The following ARAP2 variants were observed in gnomAD, a reference collection of about 807,000 sequenced individuals.
ARAP2 encodes arf-GAP with Rho-GAP domain, ANK repeat and PH domain-containing protein 2.
Under a neutral mutation model 194.5 loss-of-function variants are expected in ARAP2, and 148 were observed. That is an observed-to-expected ratio of 0.76 (90% CI 0.67 to 0.87). The LOEUF is 0.87. Among genes scored for constraint, ARAP2 ranks in the 40% least tolerant of loss-of-function variants. The pLI is 0.00. For missense variants in ARAP2, 2,128 were observed against 1,989.7 expected, an observed-to-expected ratio of 1.07 and a Z score of -1.32; for synonymous variants, 695 against 683.5, an observed-to-expected ratio of 1.02 and a Z score of -0.26.
intron 19 of ARAP2, 123 bp downstream of exon 19, chr4:36,147,173 T>A: frequency 1.3e-6 from 1 of 767,794 alleles, no homozygotes; most frequent in Non-Finnish European, 2.2e-6. Context: ...TGTATATTTA[T>A]ATGATTCAGA....
intron 6 of ARAP2, among the ~76,000 whole-genome samples, chr4:36,194,915 G>A (rs1263472599): frequency 1.3e-5 from 2 of 152,168 alleles, no homozygotes; most frequent in African/African-American, 4.8e-5. Flanking sequence ...CAGGCGTGGT[G>A]GCTCATGCTT....
chr4:36,139,771 T>G (rs1364672851), intron 19 of ARAP2, among the ~76,000 whole-genome samples: 1 of 151,680 alleles, frequency 6.6e-6, no homozygotes, highest in Non-Finnish European at 1.5e-5. Context: ...TTCCTAATTT[T>G]TCCTGTGATT....
chr4:36,017,330 C>T (rs886975628), intron 6 of ARAP2, among the ~76,000 whole-genome samples: 2 of 151,450 alleles, frequency 1.3e-5, no homozygotes, highest in African/African-American at 4.8e-5. Context: ...GGAGACAGCA[C>T]TGAACAAAAA....
chr4:36,233,403 G>T (rs1751881551), intron 1 of ARAP2, among the ~76,000 whole-genome samples: 1 of 152,134 alleles, frequency 6.6e-6, no homozygotes, highest in Non-Finnish European at 1.5e-5. Flanking sequence ...GTCTACACTT[G>T]TTACACCCTC....
chr4:36,010,336 G>A (rs2109307216), intron 9 of ARAP2, among the ~76,000 whole-genome samples: 1 of 151,984 alleles, frequency 6.6e-6, no homozygotes, highest in Non-Finnish European at 1.5e-5. Flanking sequence ...AGAAAGGCTA[G>A]AAAGAAATGA....
intron 29 of ARAP2, among the ~76,000 whole-genome samples, chr4:36,082,829 T>C (rs1206115797): frequency 1.3e-5 from 2 of 152,120 alleles, no homozygotes; most frequent in Non-Finnish European, 2.9e-5. Flanking sequence ...CTGGGGTACA[T>C]GAAGTGTTAA....
At chr4:36,170,900 G>A (rs912684681) in intron 9 of ARAP2, among the ~76,000 whole-genome samples, 7 of 151,724 alleles carry the variant, frequency 4.6e-5, no homozygotes, top group Non-Finnish European at 8.8e-5. Flanking sequence ...GGAAGCTTTT[G>A]GTCTAAAAAT....
chr4:36,175,134 C>T (rs975094453), intron 9 of ARAP2, among the ~76,000 whole-genome samples: 1 of 152,122 alleles, frequency 6.6e-6, no homozygotes, highest in Admixed American at 6.5e-5. Flanking sequence ...AAATCCAACA[C>T]AAATTAAGAT....
At chr4:36,045,699 A>G (rs1721712774) in intron 5 of ARAP2, among the ~76,000 whole-genome samples, 1 of 152,222 alleles carries the variant, frequency 6.6e-6, no homozygotes, top group African/African-American at 2.4e-5. Flanking sequence ...TCGATTTTAA[A>G]TGTTCTCACC....
In ARAP2 at chr4:36,210,582, G is replaced by A. The variant is rs1746540547; in HGVS notation, c.1295C>T (p.Ala432Val). The change falls in exon 6 of 33, where the codon GCA becomes GTA. Residue 432 changes from alanine (A) to valine (V), a missense_variant. By Grantham distance (64) the Ala-to-Val change is moderately conservative (BLOSUM62 0). Coordinates refer to ENST00000303965, the MANE Select transcript of ARAP2 (RefSeq NM_015230.4). ...FQSLRRKNSK[A>V]SKSRTQKALI... ...GGCTTTTTGAGTCCTAGATTTAGAT[G>A]CCTTTGAATTTTTTCTTCTTAAACT... is the stretch of plus-strand genomic sequence containing the variant. 6.2e-7 allele frequency: 1 copy of A among 1,613,738 alleles called. No individual in the cohort carries two copies. The highest frequency in any genetic ancestry group is 8.5e-7 in the Non-Finnish European group (1 of 1,179,878).
intron 5 of ARAP2, among the ~76,000 whole-genome samples, chr4:36,027,673 G>A (rs1718163286): frequency 6.6e-6 from 1 of 151,948 alleles, no homozygotes. Context: ...CTGGTATTGT[G>A]ACATACCATC....
chr4:36,158,847 TATC>T lies in ARAP2; in HGVS notation c.2632_2634del (p.Asp878del). 6.3e-7 allele frequency: 1 copy of T among 1,591,952 alleles called. No individual in the cohort carries two copies. The highest frequency in any genetic ancestry group is 8.5e-7 in the Non-Finnish European group (1 of 1,174,146). On this transcript the variant is annotated inframe_deletion, in exon 15 of 33. Transcript: ENST00000303965. ...TGACTTAATACACCCTCGGAATGAA[TATC>T]ATGTTGAGGGAAATCTAGAAAAATT...
chr4:36,228,763 G>C lies in ARAP2; in HGVS notation c.724C>G (p.Pro242Ala). The C allele has an allele frequency of 6.2e-7, 1 of 1,614,130 alleles. No individual in the cohort carries two copies. ...CCTTGAAACTTAAAGAATGGGGATG[G>C]TGGTGATCCTTCTAATAAACCATTT... ...GTNGLLEGSP[P>A]SPFFKFQGEM... The change falls in exon 2 of 33, where the codon CCA (proline) becomes GCA (alanine). Residue 242 changes from proline (P) to alanine (A), a missense_variant. By Grantham distance (27) the Pro-to-Ala change is conservative. Transcript: ENST00000303965.
rs191221474 is a variant in ARAP2 at position 36,122,529 on chromosome 4, C to T, written c.3747-1203G>A. ...TAACACAGGAACAGAAAACCAAATA[C>T]TGTATATTCTCACTTATAAGTGGGA... On this transcript the variant is annotated intron_variant, in intron 22 of 32. Transcript: ENST00000303965. Among the ~76,000 whole-genome samples, 607 of 151,952 alleles carry T rather than the reference C, an allele frequency of 4.0e-3. 7 individuals carry two copies. Among genetic ancestry groups the T allele is most frequent in the African/African-American group, 0.014 (569 of 41,516 alleles).
chr4:36,183,175 G>C (rs985236223), intron 8 of ARAP2, among the ~76,000 whole-genome samples: 1 of 152,042 alleles, frequency 6.6e-6, no homozygotes, highest in African/African-American at 2.4e-5. Flanking sequence ...TTAAGTAAAG[G>C]GATAGTAAAT....
intron 19 of ARAP2, among the ~76,000 whole-genome samples, chr4:36,143,118 C>G (rs934487619): frequency 1.3e-5 from 2 of 151,676 alleles, no homozygotes; most frequent in Non-Finnish European, 3.0e-5. Context: ...TTGCACCATA[C>G]AGGGTGCTGT....
At chr4:36,196,888 C>CTGCT (rs948294664) in intron 6 of ARAP2, among the ~76,000 whole-genome samples, 1 of 151,506 alleles carries the variant, frequency 6.6e-6, no homozygotes, top group Non-Finnish European at 1.5e-5. Context: ...TGCTGCCTGC[C>CTGCT]TGCTCCTAAC....
chr4:36,170,472 T>C (rs1370151727), intron 9 of ARAP2, among the ~76,000 whole-genome samples: 1 of 152,190 alleles, frequency 6.6e-6, no homozygotes, highest in African/African-American at 2.4e-5. Flanking sequence ...GTAGAATGCA[T>C]GCAATCAGAA....
chr4:36,058,780 A>G (rs748159746), intron 1 of ARAP2, among the ~76,000 whole-genome samples: 5 of 152,202 alleles, frequency 3.3e-5, no homozygotes, highest in Non-Finnish European at 7.3e-5. Context: ...TTGCAGTGTT[A>G]TATTCTACTG....
Sources: gnomAD v4.1 joint callset for allele counts (sites outside exome capture counted in the v4.1 genomes callset) on GRCh38, gnomAD v4.1.1 for gene constraint, MANE v1.5 for transcripts, NCBI Gene and HGNC (gene_info 2026-07-23, HGNC 2026-07-21) for gene names.